SPMAP2L: variants seen among roughly 807,000 people sequenced by gnomAD.
SPMAP2L encodes sperm microtubule associated protein 2 like.
At chr4:56,592,912 G>T in the SPMAP2L span, 2 of 1,607,296 alleles carry the variant, frequency 1.2e-6, no homozygotes, top group African/African-American at 2.7e-5. Context: ...TGGGGCTGGC[G>T]AGCATTGATG....
chr4:56,556,231 G>A, the SPMAP2L span, among the ~76,000 whole-genome samples: 1 of 152,176 alleles, frequency 6.6e-6, no homozygotes, highest in Admixed American at 6.5e-5. Flanking sequence ...TAATGCAGGA[G>A]AGAAATAGTG....
chr4:56,544,370 A>G, the SPMAP2L span, among the ~76,000 whole-genome samples: 13 of 152,282 alleles, frequency 8.5e-5, no homozygotes, highest in South Asian at 2.7e-3. Context: ...TTCTTTTAAG[A>G]GCTTGCATAT....
At chr4:56,568,962 A>G in the SPMAP2L span, among the ~76,000 whole-genome samples, 12 of 152,314 alleles carry the variant, frequency 7.9e-5, no homozygotes, top group Non-Finnish European at 1.6e-4. Flanking sequence ...TATTTTCAAG[A>G]TTCATCTGTG....
At chr4:56,602,650 G>A in the SPMAP2L span, among the ~76,000 whole-genome samples, 1 of 152,050 alleles carries the variant, frequency 6.6e-6, no homozygotes, top group South Asian at 2.1e-4. Context: ...AGCAGAGATC[G>A]CACCACTGCA....
chr4:56,535,265 C>T, the SPMAP2L span, among the ~76,000 whole-genome samples: 14 of 152,246 alleles, frequency 9.2e-5, 1 homozygote, highest in South Asian at 2.9e-3. Flanking sequence ...GTCTTATGCC[C>T]AATTTCTGCC....
chr4:56,599,931 G>A, the SPMAP2L span, among the ~76,000 whole-genome samples: 1 of 152,166 alleles, frequency 6.6e-6, no homozygotes, highest in Non-Finnish European at 1.5e-5. Context: ...GATCATTAGA[G>A]AGATGCAAAT....
chr4:56,591,069 T>G, the SPMAP2L span, among the ~76,000 whole-genome samples: 9 of 152,348 alleles, frequency 5.9e-5, no homozygotes, highest in South Asian at 1.9e-3. Flanking sequence ...GTTTGATTTG[T>G]GTCCCCATCC....
At chr4:56,609,813 A>G in the SPMAP2L span, among the ~76,000 whole-genome samples, 2 of 152,206 alleles carry the variant, frequency 1.3e-5, no homozygotes, top group South Asian at 2.1e-4. Context: ...GCAGCCATCA[A>G]TTGACATTGA....
the SPMAP2L span, among the ~76,000 whole-genome samples, chr4:56,550,076 A>T: frequency 6.6e-6 from 1 of 152,162 alleles, no homozygotes; most frequent in African/African-American, 2.4e-5. Flanking sequence ...AACCATTCAT[A>T]TTTATTATTA....
chr4:56,617,378 TTA>T, the SPMAP2L span, among the ~76,000 whole-genome samples: 1 of 152,202 alleles, frequency 6.6e-6, no homozygotes, highest in Middle Eastern at 3.2e-3. Context: ...CATGACTGTA[TTA>T]TGTTTTTTCC....
chr4:56,594,643 C>CTA, the SPMAP2L span: 1 of 1,343,102 alleles, frequency 7.4e-7, no homozygotes. Context: ...ACATGGCAGG[C>CTA]ATGAAGATTC....
chr4:56,535,329 G>A, the SPMAP2L span, among the ~76,000 whole-genome samples: 2 of 152,160 alleles, frequency 1.3e-5, no homozygotes, highest in African/African-American at 4.8e-5. Flanking sequence ...CAGGCAGACA[G>A]CCCAGCGCCA....
At chr4:56,599,362 C>T in the SPMAP2L span, among the ~76,000 whole-genome samples, 2 of 151,834 alleles carry the variant, frequency 1.3e-5, no homozygotes, top group Non-Finnish European at 2.9e-5. Context: ...TTTTTTTGCT[C>T]AAAATTATTA....
the SPMAP2L span, among the ~76,000 whole-genome samples, chr4:56,540,302 G>C: frequency 6.6e-6 from 1 of 152,172 alleles, no homozygotes; most frequent in African/African-American, 2.4e-5. Flanking sequence ...CAGCACTTTG[G>C]GAGGCTGAGG....
chr4:56,545,861 C>G, the SPMAP2L span, among the ~76,000 whole-genome samples: 1 of 152,102 alleles, frequency 6.6e-6, no homozygotes, highest in Non-Finnish European at 1.5e-5. Context: ...GGCATGATCT[C>G]GGCTCACAGC....
the SPMAP2L span, chr4:56,594,194 T>A: frequency 6.2e-7 from 1 of 1,613,266 alleles, no homozygotes; most frequent in Non-Finnish European, 8.5e-7. Context: ...AGGGTCTGTG[T>A]TCAAGAGGAC....
At chr4:56,561,666 T>G in the SPMAP2L span, among the ~76,000 whole-genome samples, 1 of 152,086 alleles carries the variant, frequency 6.6e-6, no homozygotes, top group Admixed American at 6.5e-5. Context: ...TCCGTCCCCA[T>G]GACCCAACAC....
the SPMAP2L span, chr4:56,594,348 G>A: frequency 2.0e-6 from 3 of 1,532,612 alleles, no homozygotes; most frequent in Admixed American, 3.3e-5. Context: ...AAACTGAACA[G>A]TTCGTCTGAA....
the SPMAP2L span, among the ~76,000 whole-genome samples, chr4:56,611,397 T>C: frequency 0.013 from 1,946 of 152,176 alleles, 40 homozygotes; most frequent in African/African-American, 0.045. Flanking sequence ...GGCATAAGAA[T>C]GATACAGTGG....
Sources: gnomAD v4.1 joint callset for allele counts (sites outside exome capture counted in the v4.1 genomes callset) on GRCh38, gnomAD v4.1.1 for gene constraint, MANE v1.5 for transcripts, NCBI Gene and HGNC (gene_info 2026-07-23, HGNC 2026-07-21) for gene names.